The following PDXDC1 variants were observed in gnomAD, a reference collection of about 807,000 sequenced individuals.
PDXDC1 encodes the protein pyridoxal-dependent decarboxylase domain-containing protein 1.
In PDXDC1, 42 loss-of-function variants were observed where a neutral mutation model predicts 100.1. That is an observed-to-expected ratio of 0.42 (90% CI 0.33 to 0.54). The LOEUF is 0.54. Among genes scored for constraint, PDXDC1 ranks in the 20% least tolerant of loss-of-function variants. PDXDC1 has a pLI of 0.10. For missense variants in PDXDC1, 636 were observed against 979.2 expected (o/e 0.65, Z 4.68); for synonymous variants, 260 against 371.7 (o/e 0.70, Z 3.46).
chr16:14,992,724 C>T (rs1333725137), intron 1 of PDXDC1, among the ~76,000 whole-genome samples: 1 of 152,284 alleles, frequency 6.6e-6, no homozygotes, highest in Non-Finnish European at 1.5e-5. Flanking sequence ...GTCAGGGACC[C>T]TAGGTTTTGG....
intron 9 of PDXDC1, 103 bp from the exon 10 acceptor site, chr16:15,017,017 A>G (rs1443556032): frequency 2.5e-6 from 3 of 1,209,074 alleles, no homozygotes; most frequent in Non-Finnish European, 3.7e-6. Context: ...TTAAAAATAT[A>G]CTTAAGTGTC....
chr16:15,032,669 A>AAAAAAAAAAAAAAAAAAG, intron 17 of PDXDC1, 192 bp from the exon 18 acceptor site: 1 of 448,488 alleles, frequency 2.2e-6, no homozygotes, highest in Non-Finnish European at 3.9e-6. Context: ...AAAAAAAAAA[A>AAAAAAAAAAAAAAAAAAG]GGCTTTCCTG....
downstream of PDXDC1, chr16:15,040,260 G>C (rs552027751): frequency 2.3e-6 from 1 of 438,642 alleles, no homozygotes; most frequent in Non-Finnish European, 4.0e-6. Flanking sequence ...GAAAATCGCT[G>C]AGGCTCGAGC....
At chr16:14,980,973 GGTGA>G (rs1305361360) in intron 1 of PDXDC1, among the ~76,000 whole-genome samples, 2 of 152,292 alleles carry the variant, frequency 1.3e-5, no homozygotes, top group Non-Finnish European at 2.9e-5. Context: ...AGAGACACAA[GGTGA>G]GTAAGATGTG....
At chr16:15,022,679 A>G in intron 12 of PDXDC1, 25 bp from the exon 13 acceptor site, 5 of 1,608,498 alleles carry the variant, frequency 3.1e-6, no homozygotes, top group Non-Finnish European at 4.2e-6. Flanking sequence ...ATCTAATTAC[A>G]TGTGTTATTT....
intron 16 of PDXDC1, chr16:15,065,320 C>G: frequency 6.2e-7 from 1 of 1,613,804 alleles, no homozygotes; most frequent in Non-Finnish European, 8.5e-7. Context: ...CTGGCAGCAT[C>G]TGGCGATTGT....
At chr16:15,062,669 T>C (rs949498296) in intron 16 of PDXDC1, among the ~76,000 whole-genome samples, 1 of 152,208 alleles carries the variant, frequency 6.6e-6, no homozygotes, top group Non-Finnish European at 1.5e-5. Flanking sequence ...CTGGAGATTG[T>C]TACTTGGTAA....
chr16:15,119,417 G>T (rs2102495), intron 16 of PDXDC1, among the ~76,000 whole-genome samples: 66,648 of 136,212 alleles, frequency 0.49, 18,361 homozygotes, highest in Admixed American at 0.61. Context: ...AATTTTTTTT[G>T]TTTTTTTTTT....
chr16:15,037,904 TTGAAAGACAC>T lies in PDXDC1; in HGVS notation c.*1633_*1642del. The stretch of plus-strand genomic sequence containing the variant: ...TTGAAAGTCATTTGATGAAAGTCAT[TTGAAAGACAC>T]TGAGGAGGGAAGGAGGCCTAAGACC... On this transcript the variant is annotated 3_prime_UTR_variant, in exon 23 of 23. Coordinates refer to ENST00000396410, the MANE Select transcript of PDXDC1 (RefSeq NM_015027.4). 1 of 599,020 alleles carries T rather than the reference TTGAAAGACAC, an allele frequency of 1.7e-6. No homozygotes were observed. The highest frequency in any genetic ancestry group is 2.9e-5 in the Admixed American group (1 of 34,600). 37.1% of individuals were successfully genotyped at this position (599,020 alleles called of 1,614,324 possible).
chr16:15,062,773 C>T (rs1315674587), intron 16 of PDXDC1, among the ~76,000 whole-genome samples: 2 of 152,180 alleles, frequency 1.3e-5, no homozygotes, highest in Non-Finnish European at 2.9e-5. Context: ...CTGGTTTAAG[C>T]AATTTATCCA....
At chr16:15,128,128 G>A (rs1351591297) in intron 16 of PDXDC1, 2 of 1,609,880 alleles carry the variant, frequency 1.2e-6, no homozygotes, top group Non-Finnish European at 1.7e-6. Flanking sequence ...ACCAGGCAGG[G>A]CTGAGCCCTG....
chr16:15,096,366 C>T (rs1279215390), intron 16 of PDXDC1, among the ~76,000 whole-genome samples: 1 of 152,146 alleles, frequency 6.6e-6, no homozygotes, highest in Non-Finnish European at 1.5e-5. Context: ...GCCTTGGCAT[C>T]CCAAAGTGCT....
chr16:15,095,391 A>T (rs923555114), intron 16 of PDXDC1, among the ~76,000 whole-genome samples: 3 of 152,108 alleles, frequency 2.0e-5, no homozygotes, highest in Admixed American at 1.3e-4. Context: ...CAAAAAATTT[A>T]AAAAATAAAA....
chr16:15,140,184 C>A (rs138653090), downstream of PDXDC1, among the ~76,000 whole-genome samples: 2,904 of 150,204 alleles, frequency 0.019, 41 homozygotes, highest in East Asian at 0.058. Context: ...ATGGCTCCTG[C>A]CTGTAATCCC....
At chr16:15,125,884 C>G (rs930145813) in intron 16 of PDXDC1, 150 of 723,392 alleles carry the variant, frequency 2.1e-4, no homozygotes, top group African/African-American at 2.8e-4. Flanking sequence ...ACCTCCTCAG[C>G]AGACAGGACA....
chr16:15,106,683 A>T (rs2046816773), intron 16 of PDXDC1, among the ~76,000 whole-genome samples: 1 of 142,966 alleles, frequency 7.0e-6, no homozygotes, highest in African/African-American at 2.5e-5. Flanking sequence ...TGAACCTGGG[A>T]GGCGGAGGTT....
At chr16:15,047,649 A>G in intron 16 of PDXDC1, 1 of 1,005,864 alleles carries the variant, frequency 9.9e-7, no homozygotes, top group East Asian at 2.4e-5. Flanking sequence ...TCATCTTTGA[A>G]TATCCTGTAG....
chr16:14,975,010 G>GGCCCC (rs1449918214), upstream of PDXDC1: 29 of 1,534,682 alleles, frequency 1.9e-5, no homozygotes, highest in Middle Eastern at 1.7e-4. Context: ...AGCGCTACGG[G>GGCCCC]GCCCCGCCCC....
chr16:14,991,729 C>T (rs937146464), intron 1 of PDXDC1, among the ~76,000 whole-genome samples: 1 of 152,162 alleles, frequency 6.6e-6, no homozygotes, highest in African/African-American at 2.4e-5. Flanking sequence ...GCCATGTTGC[C>T]CAGGCTCATC....
Sources: gnomAD v4.1 joint callset for allele counts (sites outside exome capture counted in the v4.1 genomes callset) on GRCh38, gnomAD v4.1.1 for gene constraint, MANE v1.5 for transcripts, NCBI Gene and HGNC (gene_info 2026-07-23, HGNC 2026-07-21) for gene names.